TP63: variants seen among roughly 807,000 people sequenced by gnomAD.
The protein encoded by TP63 is tumor protein 63.
Under a neutral mutation model 82.8 loss-of-function variants are expected in TP63, and 17 were observed. The observed-to-expected ratio is 0.21, with a 90% CI of 0.14 to 0.31. The LOEUF is 0.31. Ranked by LOEUF, TP63 falls within the 10% of genes least tolerant of loss-of-function variation. The pLI is 1.00. For synonymous variants in TP63, 330 were observed against 321.7 expected (o/e 1.03, Z -0.28); for missense variants, 648 against 895.3 (o/e 0.72, Z 3.52).
At chr3:189,850,875 T>C (rs1278011566) in intron 4 of TP63, among the ~76,000 whole-genome samples, 3 of 152,214 alleles carry the variant, frequency 2.0e-5, no homozygotes, top group Non-Finnish European at 4.4e-5. Context: ...TTAATGATTA[T>C]TAATAGATAA....
At chr3:189,768,636 C>T (rs9858970) in intron 3 of TP63, among the ~76,000 whole-genome samples, 14,211 of 152,080 alleles carry the variant, frequency 0.093, 690 homozygotes, top group Admixed American at 0.12. Context: ...AATTCCAAAA[C>T]GTATGCACTG....
At chr3:189,616,629 T>G in the TP63 span, among the ~76,000 whole-genome samples, 1 of 152,230 alleles carries the variant, frequency 6.6e-6, no homozygotes, top group Non-Finnish European at 1.5e-5. Flanking sequence ...CTGGTCCTGC[T>G]TGGGCTCAAT....
At chr3:189,718,714 A>G (rs1719147785) in intron 1 of TP63, among the ~76,000 whole-genome samples, 1 of 152,038 alleles carries the variant, frequency 6.6e-6, no homozygotes, top group African/African-American at 2.4e-5. Context: ...ACATGTAAAC[A>G]TATAATATTG....
intron 1 of TP63, among the ~76,000 whole-genome samples, chr3:189,648,843 T>C (rs1424200456): frequency 8.2e-6 from 1 of 122,564 alleles, no homozygotes; most frequent in Non-Finnish European, 1.7e-5. Context: ...ATTTGAGCCA[T>C]AGAACTATTA....
At chr3:189,855,209 G>A (rs1716135940) in intron 4 of TP63, among the ~76,000 whole-genome samples, 1 of 152,128 alleles carries the variant, frequency 6.6e-6, no homozygotes, top group Non-Finnish European at 1.5e-5. Context: ...AGAACAAAAT[G>A]TATTGAGGTC....
At chr3:189,839,032 T>C (rs1428498215) in intron 4 of TP63, among the ~76,000 whole-genome samples, 6 of 88,354 alleles carry the variant, frequency 6.8e-5, no homozygotes, top group African/African-American at 2.3e-4. Context: ...GCAACTAGTA[T>C]CCTAAGCTAA....
the TP63 span, among the ~76,000 whole-genome samples, chr3:189,614,721 A>G: frequency 6.6e-6 from 1 of 152,202 alleles, no homozygotes; most frequent in Non-Finnish European, 1.5e-5. Context: ...GACTGTACAA[A>G]TTTACTTTCA....
chr3:189,726,989 C>T (rs533495795), intron 1 of TP63, among the ~76,000 whole-genome samples: 5 of 152,192 alleles, frequency 3.3e-5, no homozygotes, highest in African/African-American at 9.7e-5. Flanking sequence ...CATATACCAA[C>T]ACCTAAATAA....
intron 3 of TP63, among the ~76,000 whole-genome samples, chr3:189,784,054 T>G (rs1724417594): frequency 6.6e-6 from 1 of 152,034 alleles, no homozygotes; most frequent in South Asian, 2.1e-4. Context: ...TAGAAACTTT[T>G]AATGTAATTC....
chr3:189,734,318 C>T (rs1209143279), intron 1 of TP63, among the ~76,000 whole-genome samples: 1 of 151,814 alleles, frequency 6.6e-6, no homozygotes, highest in East Asian at 1.9e-4. Flanking sequence ...ATTACAGGCA[C>T]CGGCCGCCAA....
intron 3 of TP63, among the ~76,000 whole-genome samples, chr3:189,743,368 C>T (rs187969941): frequency 1.8e-3 from 281 of 152,172 alleles, no homozygotes; most frequent in South Asian, 5.0e-3. Flanking sequence ...GAGTAGAAAT[C>T]GAAATAATAC....
In TP63 at chr3:189,869,271, A is replaced by G. The variant is rs981205324; in HGVS notation, c.1130-53A>G. ...TAATTATTAAGTATATTTAATATGC[A>G]TTAGTGCTTTAGAAGTGTTCCCAGG... On this transcript the variant is annotated intron_variant, in intron 8 of 13. Coordinates refer to ENST00000264731, the MANE Select transcript of TP63 (RefSeq NM_003722.5). The G allele has an allele frequency of 4.4e-6, 6 of 1,352,386 alleles. No homozygotes were observed. In the African/African-American group the frequency reaches 7.2e-5, roughly 16 times the overall value. The allele number at this position is 1,352,386 out of a possible 1,614,324, so 83.8% of individuals were successfully genotyped here. A position where few individuals can be genotyped will look rare whatever the true frequency, so the allele number is the denominator to read the frequency against.
Position 189,649,793 on chromosome 3 carries a change from G to A in TP63, c.62+18216G>A, listed in dbSNP as rs1418304659. On this transcript the variant is annotated intron_variant, in intron 1 of 13. Transcript: ENST00000264731. ...AGAGAAAGAGCATTCCAGACAAGGA[G>A]TGTAAGATCAGAGTGGCTGGAACAG... Among the ~76,000 whole-genome samples the A allele has an allele frequency of 1.1e-4, 16 of 146,992 alleles. 2 individuals are homozygous for A. The highest frequency in any genetic ancestry group is 2.5e-4 in the African/African-American group (10 of 39,218).
rs190460314 is a variant in TP63 at position 189,698,056 on chromosome 3, C to T, written c.63-39684C>T. Among the ~76,000 whole-genome samples the T allele has an allele frequency of 9.3e-3, 1,409 of 152,108 alleles. 14 individuals are homozygous for T. Among genetic ancestry groups the T allele is most frequent in the Non-Finnish European group, 0.012 (849 of 67,938 alleles). On this transcript the variant is annotated intron_variant, in intron 1 of 13. Transcript: ENST00000264731. ...TATTTTACTTCACTATTTAGGGCTT[C>T]CAGGACAATGTTGAATAGGACTGGT...
chr3:189,684,432 T>C (rs1289946612), intron 1 of TP63, among the ~76,000 whole-genome samples: 1 of 152,042 alleles, frequency 6.6e-6, no homozygotes, highest in Non-Finnish European at 1.5e-5. Context: ...ACAGAGGGAA[T>C]TTCAGAACAG....
intron 1 of TP63, among the ~76,000 whole-genome samples, chr3:189,655,275 T>TAGGA (rs1713240527): frequency 6.6e-6 from 1 of 152,088 alleles, no homozygotes; most frequent in Non-Finnish European, 1.5e-5. Flanking sequence ...GCTGGACAAA[T>TAGGA]CAATAACTTT....
chr3:189,672,391 C>T (rs540580808), intron 1 of TP63, among the ~76,000 whole-genome samples: 23 of 151,966 alleles, frequency 1.5e-4, no homozygotes, highest in East Asian at 7.8e-4. Context: ...ACTTGAGTTC[C>T]GGAGTTGGAG....
intron 3 of TP63, among the ~76,000 whole-genome samples, chr3:189,782,980 T>A (rs1724339597): frequency 6.6e-6 from 1 of 152,184 alleles, no homozygotes; most frequent in South Asian, 2.1e-4. Context: ...AATTAATGTA[T>A]CTATCAGGCT....
intron 10 of TP63, among the ~76,000 whole-genome samples, chr3:189,884,090 A>G (rs1312472832): frequency 7.2e-5 from 11 of 152,208 alleles, no homozygotes; most frequent in Non-Finnish European, 5.9e-5. Context: ...CAGAGGACCA[A>G]CTGCATCAGG....
Sources: allele counts gnomAD v4.1 joint callset (sites outside exome capture counted in the v4.1 genomes callset), GRCh38; gene constraint gnomAD v4.1.1; transcripts MANE v1.5; gene names NCBI Gene and HGNC (gene_info 2026-07-23, HGNC 2026-07-21).